Variants in L3MBTL4 observed in about 807,000 individuals in gnomAD.
L3MBTL4 encodes lethal(3)malignant brain tumor-like protein 4.
A neutral mutation model predicts 84.5 loss-of-function variants in L3MBTL4; 70 were observed. The ratio of observed to expected loss-of-function variants is 0.83; its 90% CI spans 0.68 to 1.01. The LOEUF is 1.01. Among genes scored for constraint, L3MBTL4 ranks in the 50% least tolerant of loss-of-function variants. The pLI is 0.00. For missense variants in L3MBTL4, 715 were observed against 754.8 expected (o/e 0.95, Z 0.62); for synonymous variants, 274 against 259.8 (o/e 1.05, Z -0.52).
chr18:6,209,534 A>G (rs985307452), intron 12 of L3MBTL4, among the ~76,000 whole-genome samples: 12 of 152,094 alleles, frequency 7.9e-5, no homozygotes, highest in African/African-American at 2.4e-4. Context: ...GAGTCCTCAT[A>G]TACCGCTAAT....
intron 12 of L3MBTL4, among the ~76,000 whole-genome samples, chr18:6,209,324 C>T (rs999397321): frequency 6.6e-6 from 1 of 151,890 alleles, no homozygotes; most frequent in Non-Finnish European, 1.5e-5. Flanking sequence ...TCTACTATTA[C>T]AAACACTGGG....
At position 6,295,199 on chromosome 18, in the gene L3MBTL4, G is replaced by A. The variant is rs532799467; in HGVS notation, c.127+6704C>T. On this transcript the variant is annotated intron_variant, in intron 4 of 18. Transcript: ENST00000317931. ...GGGCAGGAGAATCGTTTGAACCTGG[G>A]AGGCGGAAGTTGCAATGAGCCGGGA... is the stretch of plus-strand genomic sequence containing the variant. Among the ~76,000 whole-genome samples the A allele has an allele frequency of 9.2e-5, 14 of 151,952 alleles. No individual in the cohort carries two copies. The East Asian group carries it at 2.5e-3, about 27-fold the overall frequency.
At chr18:6,319,630 C>T (rs11665297) in intron 1 of L3MBTL4, among the ~76,000 whole-genome samples, 20,957 of 151,676 alleles carry the variant, frequency 0.14, 1,515 homozygotes, top group African/African-American at 0.16. Context: ...AAGTTTCAAT[C>T]GTAATATTTA....
intron 1 of L3MBTL4, among the ~76,000 whole-genome samples, chr18:6,316,973 AC>A (rs1161418032): frequency 6.6e-6 from 1 of 151,870 alleles, no homozygotes; most frequent in Non-Finnish European, 1.5e-5. Flanking sequence ...TAACTATTCA[AC>A]CCAGTAAATA....
intron 5 of L3MBTL4, chr18:6,259,608 T>A (rs1440136762): frequency 6.6e-6 from 1 of 152,128 alleles, no homozygotes; most frequent in Non-Finnish European, 1.5e-5. Flanking sequence ...ATCTCCTTCA[T>A]TCTTCTTTTG....
chr18:6,091,960 G>A (rs1488554206), intron 15 of L3MBTL4, among the ~76,000 whole-genome samples: 1 of 152,162 alleles, frequency 6.6e-6, no homozygotes, highest in Non-Finnish European at 1.5e-5. Flanking sequence ...TTAGGAAATG[G>A]AAAGACATTC....
At position 5,957,873 on chromosome 18, in the gene L3MBTL4, T is replaced by C. The variant is rs527251042; in HGVS notation, c.1678-1486A>G. On this transcript the variant is annotated intron_variant, in intron 18 of 18. Coordinates refer to ENST00000317931, the MANE Select transcript of L3MBTL4 (RefSeq NM_001330559.2). ...AGTCCCAGCTACTCAGGCAGGAGAA[T>C]TGCTTGAACTTGGGAGGCAGAGGTT... is the stretch of plus-strand genomic sequence containing the variant. Among the ~76,000 whole-genome samples the C allele has an allele frequency of 1.0e-4, 15 of 150,716 alleles. No individual in the cohort carries two copies. In the East Asian group the frequency reaches 2.9e-3, roughly 29 times the overall value.
intron 14 of L3MBTL4, among the ~76,000 whole-genome samples, chr18:6,108,362 A>T (rs1015917393): frequency 6.6e-6 from 1 of 152,204 alleles, no homozygotes; most frequent in African/African-American, 2.4e-5. Flanking sequence ...TCGTCAATTT[A>T]AAAAACTGTC....
intron 3 of L3MBTL4, among the ~76,000 whole-genome samples, chr18:6,304,857 A>G (rs1244501649): frequency 1.3e-5 from 2 of 152,250 alleles, no homozygotes; most frequent in African/African-American, 4.8e-5. Context: ...TGTTCACACT[A>G]CAGCTACTGA....
intron 16 of L3MBTL4, among the ~76,000 whole-genome samples, chr18:5,984,450 C>T (rs536066993): frequency 2.6e-5 from 4 of 152,114 alleles, no homozygotes; most frequent in African/African-American, 9.7e-5. Context: ...TTAGTGGCTT[C>T]CATTATGCTA....
chr18:6,110,377 C>T (rs1227883894), intron 14 of L3MBTL4, among the ~76,000 whole-genome samples: 1 of 151,952 alleles, frequency 6.6e-6, no homozygotes, highest in Non-Finnish European at 1.5e-5. Flanking sequence ...TGTCAGTGGA[C>T]ACATGTATGT....
intron 12 of L3MBTL4, among the ~76,000 whole-genome samples, chr18:6,209,538 C>T (rs943399289): frequency 9.9e-5 from 15 of 151,754 alleles, no homozygotes; most frequent in African/African-American, 2.4e-4. Context: ...CCTCATATAC[C>T]GCTAATGGGA....
intron 16 of L3MBTL4, among the ~76,000 whole-genome samples, chr18:6,046,575 A>T (rs1283516725): frequency 1.3e-5 from 2 of 152,216 alleles, no homozygotes; most frequent in Non-Finnish European, 2.9e-5. Context: ...CCACGGTGGA[A>T]TTAAAATAGA....
intron 4 of L3MBTL4, among the ~76,000 whole-genome samples, chr18:6,282,094 T>C (rs760498829): frequency 9.2e-5 from 14 of 152,152 alleles, no homozygotes; most frequent in Non-Finnish European, 1.5e-4. Context: ...ACAAAGTGCT[T>C]CTCCATGAGT....
chr18:6,345,761 C>T (rs1415198750), intron 1 of L3MBTL4, among the ~76,000 whole-genome samples: 1 of 152,078 alleles, frequency 6.6e-6, no homozygotes, highest in Non-Finnish European at 1.5e-5. Context: ...AACTGATCTA[C>T]ATATTCAATG....
At chr18:6,405,576 C>T (rs1358214892) in intron 1 of L3MBTL4, among the ~76,000 whole-genome samples, 1 of 152,010 alleles carries the variant, frequency 6.6e-6, no homozygotes, top group African/African-American at 2.4e-5. Context: ...GGGGCTGAGC[C>T]TGAGTGCCTG....
chr18:6,034,794 T>A (rs1184953171), intron 16 of L3MBTL4, among the ~76,000 whole-genome samples: 1 of 150,596 alleles, frequency 6.6e-6, no homozygotes, highest in Non-Finnish European at 1.5e-5. Context: ...TTTCTCCACA[T>A]CCTCTCCAGC....
intron 16 of L3MBTL4, among the ~76,000 whole-genome samples, chr18:6,071,805 A>G (rs35883632): frequency 5.7e-4 from 68 of 119,900 alleles, no homozygotes; most frequent in African/African-American, 2.1e-3. Context: ...AAGAAAGAAA[A>G]AGAAAGAAAG....
chr18:6,231,456 T>TACC (rs752340937), intron 10 of L3MBTL4, among the ~76,000 whole-genome samples: 1 of 152,202 alleles, frequency 6.6e-6, no homozygotes, highest in Admixed American at 6.5e-5. Context: ...TTTGTACCAG[T>TACC]ACCATGCTGT....
Sources: gnomAD v4.1 joint callset for allele counts (sites outside exome capture counted in the v4.1 genomes callset) on GRCh38, gnomAD v4.1.1 for gene constraint, MANE v1.5 for transcripts, NCBI Gene and HGNC (gene_info 2026-07-23, HGNC 2026-07-21) for gene names.